Variants in PTPRR observed in about 807,000 individuals in gnomAD.
The protein encoded by PTPRR is receptor-type tyrosine-protein phosphatase R.
Under a neutral mutation model 77.2 loss-of-function variants are expected in PTPRR, and 38 were observed. That is an observed-to-expected ratio of 0.49 (90% CI 0.38 to 0.65). The LOEUF is 0.65. PTPRR is among the 30% of genes least tolerant of loss of function. PTPRR has a pLI of 0.00. For missense variants in PTPRR, 744 were observed against 799.2 expected (o/e 0.93, Z 0.83); for synonymous variants, 299 against 283.1 (o/e 1.06, Z -0.57).
chr12:70,884,729 G>A (rs1266421770), intron 2 of PTPRR, among the ~76,000 whole-genome samples: 2 of 149,776 alleles, frequency 1.3e-5, no homozygotes, highest in African/African-American at 5.0e-5. Flanking sequence ...AAAATTACCC[G>A]GGCGTAGTGG....
chr12:70,864,792 C>T (rs2137082807), intron 2 of PTPRR, among the ~76,000 whole-genome samples: 1 of 152,168 alleles, frequency 6.6e-6, no homozygotes, highest in Middle Eastern at 3.4e-3. Context: ...GAATAAGTCT[C>T]ACAAGATCCG....
chr12:70,772,422 A>G (rs767225515), intron 2 of PTPRR, among the ~76,000 whole-genome samples: 8 of 152,186 alleles, frequency 5.3e-5, no homozygotes, highest in Non-Finnish European at 7.3e-5. Flanking sequence ...AAAAGGAAAT[A>G]CCATAATATA....
rs1234317783 is a variant in PTPRR at position 70,804,009 on chromosome 12, C to T, written c.358-39231G>A. ...GGAGATACCTACTGTTAGGGGAGTGCAAGCATTTGGCATTTTGGAGGTTTA... is the reference window on the plus strand; with the variant it reads ...GGAGATACCTACTGTTAGGGGAGTGTAAGCATTTGGCATTTTGGAGGTTTA... On this transcript the variant is annotated intron_variant, in intron 2 of 13. Transcript: ENST00000283228. Among the ~76,000 whole-genome samples the T allele has an allele frequency of 5.9e-5, 9 of 151,884 alleles. No individual in the cohort carries two copies. The South Asian group carries it at 1.9e-3, about 32-fold the overall frequency.
intron 2 of PTPRR, among the ~76,000 whole-genome samples, chr12:70,866,769 T>C (rs933404902): frequency 1.1e-4 from 16 of 152,270 alleles, no homozygotes; most frequent in Middle Eastern, 3.4e-3. Context: ...TGAACATTGA[T>C]GCAAAAATCC....
chr12:70,639,412 C>T, intron 13 of PTPRR, 135 bp from the exon 14 acceptor site: 1 of 1,379,896 alleles, frequency 7.2e-7, no homozygotes. Flanking sequence ...TTTTGTTATC[C>T]CTCTTACCTG....
At chr12:70,868,235 T>C (rs1343071466) in intron 2 of PTPRR, among the ~76,000 whole-genome samples, 1 of 151,680 alleles carries the variant, frequency 6.6e-6, no homozygotes, top group Non-Finnish European at 1.5e-5. Context: ...GAAACTACCA[T>C]CAGAGTGAGC....
At chr12:70,641,393 G>A (rs544014582) in intron 13 of PTPRR, among the ~76,000 whole-genome samples, 3 of 152,322 alleles carry the variant, frequency 2.0e-5, no homozygotes, top group Admixed American at 6.5e-5. Flanking sequence ...GTATTTACAT[G>A]TCCAACTGGT....
chr12:70,684,847 G>T, intron 8 of PTPRR, 64 bp from the exon 9 acceptor site: 2 of 1,148,918 alleles, frequency 1.7e-6, no homozygotes, highest in Non-Finnish European at 2.5e-6. Flanking sequence ...TCCTTAGAAT[G>T]CCAATAACCA....
chr12:70,658,127 T>C (rs1886651131), intron 12 of PTPRR, among the ~76,000 whole-genome samples: 1 of 152,218 alleles, frequency 6.6e-6, no homozygotes, highest in Non-Finnish European at 1.5e-5. Flanking sequence ...TGTATTTTGC[T>C]GTCTTCCCTC....
chr12:70,876,354 A>G (rs1442114861), intron 2 of PTPRR, among the ~76,000 whole-genome samples: 3 of 152,190 alleles, frequency 2.0e-5, no homozygotes, highest in Admixed American at 6.5e-5. Flanking sequence ...TTGTGTGGCA[A>G]ACATAAAACA....
At chr12:70,885,195 G>A (rs938505883) in intron 2 of PTPRR, among the ~76,000 whole-genome samples, 5 of 151,770 alleles carry the variant, frequency 3.3e-5, no homozygotes, top group African/African-American at 1.2e-4. Flanking sequence ...ATATTAATTG[G>A]GCAGTTGCTT....
At chr12:70,685,070 A>G (rs1452325367) in intron 8 of PTPRR, among the ~76,000 whole-genome samples, 1 of 151,520 alleles carries the variant, frequency 6.6e-6, no homozygotes, top group African/African-American at 2.4e-5. Flanking sequence ...TTTTGCGCCC[A>G]CTCTTATACT....
chr12:70,817,120 G>C (rs1247609911), intron 2 of PTPRR, among the ~76,000 whole-genome samples: 2 of 152,050 alleles, frequency 1.3e-5, no homozygotes, highest in Non-Finnish European at 2.9e-5. Flanking sequence ...ATTCAATAAG[G>C]TAGCAGAAGA....
chr12:70,686,528 G>A lies in PTPRR; in HGVS notation c.1280-1745C>T, dbSNP rs545602958. ...GAGACTAATTCCTCTCATCTTGAAT[G>A]TGGGCAGAAATTAAATAGAATATGG... On this transcript the variant is annotated intron_variant, in intron 8 of 13. Coordinates refer to ENST00000283228, the MANE Select transcript of PTPRR (RefSeq NM_002849.4). 2.6e-5 allele frequency among the ~76,000 whole-genome samples: 4 copies of A among 152,284 alleles called. No homozygotes were observed. The East Asian group carries it at 5.8e-4, about 22-fold the overall frequency.
chr12:70,691,954 T>C (rs1483388763), intron 8 of PTPRR, among the ~76,000 whole-genome samples: 2 of 152,172 alleles, frequency 1.3e-5, no homozygotes, highest in African/African-American at 4.8e-5. Flanking sequence ...ACTTCCCAAT[T>C]GCCCATAGCA....
intron 2 of PTPRR, among the ~76,000 whole-genome samples, chr12:70,883,110 A>C (rs1055729945): frequency 1.3e-4 from 20 of 152,224 alleles, no homozygotes; most frequent in East Asian, 1.9e-4. Context: ...AAAATACAAA[A>C]ATTAGCTGAA....
intron 1 of PTPRR, among the ~76,000 whole-genome samples, chr12:70,906,536 A>G (rs898419704): frequency 2.0e-5 from 3 of 152,032 alleles, no homozygotes; most frequent in Non-Finnish European, 2.9e-5. Context: ...GTCAACAGTA[A>G]TAACACTAAA....
chr12:70,764,438 A>T (rs1319187521), intron 3 of PTPRR, among the ~76,000 whole-genome samples: 5 of 152,226 alleles, frequency 3.3e-5, no homozygotes, highest in Non-Finnish European at 7.3e-5. Context: ...TTTAGGCTTC[A>T]TGAGCCAATC....
intron 2 of PTPRR, among the ~76,000 whole-genome samples, chr12:70,880,087 C>T (rs777338300): frequency 2.6e-5 from 4 of 152,204 alleles, no homozygotes; most frequent in East Asian, 1.9e-4. Context: ...TACAAGTTTT[C>T]TTGGTACTGA....
Sources: gnomAD v4.1 joint callset for allele counts (sites outside exome capture counted in the v4.1 genomes callset) on GRCh38, gnomAD v4.1.1 for gene constraint, MANE v1.5 for transcripts, NCBI Gene and HGNC (gene_info 2026-07-23, HGNC 2026-07-21) for gene names.